C2CD5: variants seen among roughly 807,000 people sequenced by gnomAD.
C2CD5 encodes the protein C2 domain-containing protein 5.
In C2CD5, 109 loss-of-function variants were observed where a neutral mutation model predicts 130.3. That is an observed-to-expected ratio of 0.84 (90% CI 0.72 to 0.98). C2CD5 has a LOEUF of 0.98. Ranked by LOEUF, C2CD5 falls within the 50% of genes least tolerant of loss-of-function variation. C2CD5 has a pLI of 0.00. For missense variants in C2CD5, 996 were observed against 1,261.8 expected (o/e 0.79, Z 3.19); for synonymous variants, 454 against 429.2 (o/e 1.06, Z -0.71).
chr12:22,511,759 T>C (rs998503963), intron 9 of C2CD5, among the ~76,000 whole-genome samples: 2 of 152,196 alleles, frequency 1.3e-5, no homozygotes, highest in Admixed American at 1.3e-4. Flanking sequence ...GTACAGACAA[T>C]AAAGTCACAG....
At chr12:22,529,496 T>C (rs1052239167) in intron 3 of C2CD5, among the ~76,000 whole-genome samples, 2 of 152,100 alleles carry the variant, frequency 1.3e-5, no homozygotes, top group Admixed American at 6.6e-5. Flanking sequence ...AACAACTAAG[T>C]GACTAAAAAT....
rs1952740252 is a variant in C2CD5, at chr12:22,544,325, C to T, written c.-35G>A. On this transcript the variant is annotated 5_prime_UTR_variant, in exon 1 of 27. Transcript: ENST00000446597. The stretch of plus-strand genomic sequence containing the variant: ...CGCCACGGGTCGCCACTCACTGTCG[C>T]AGGAGGAAGGGTGCTGTCCCGCGCG... The T allele has an allele frequency of 3.8e-6, 2 of 532,786 alleles. No individual in the cohort carries two copies. The highest frequency in any genetic ancestry group is 6.5e-6 in the Non-Finnish European group (2 of 308,262). The allele number at this position is 532,786 out of a possible 1,614,324, so 33.0% of individuals were successfully genotyped here. A position where few individuals can be genotyped will look rare whatever the true frequency, so the allele number is the denominator to read the frequency against.
intron 10 of C2CD5, among the ~76,000 whole-genome samples, chr12:22,503,056 G>C (rs1948005027): frequency 6.6e-6 from 1 of 152,002 alleles, no homozygotes; most frequent in Non-Finnish European, 1.5e-5. Flanking sequence ...CCTTGTTGTA[G>C]TCACCCGTTT....
At chr12:22,488,730 T>C (rs943339591) in intron 12 of C2CD5, among the ~76,000 whole-genome samples, 2 of 152,118 alleles carry the variant, frequency 1.3e-5, no homozygotes, top group Non-Finnish European at 2.9e-5. Context: ...CCTTTAAGGC[T>C]CTGGAATTCA....
intron 7 of C2CD5, among the ~76,000 whole-genome samples, chr12:22,518,459 A>G (rs547604477): frequency 6.6e-6 from 1 of 152,388 alleles, no homozygotes; most frequent in African/African-American, 2.4e-5. Flanking sequence ...ACAATGCTGT[A>G]AGTTACAAAA....
rs1317275226 is a variant in C2CD5, at chr12:22,525,655, A to G, written c.400T>C (p.Leu134=). 6.3e-7 allele frequency: 1 copy of G among 1,595,296 alleles called. No homozygotes were observed. The highest frequency in any genetic ancestry group is 8.6e-7 in the Non-Finnish European group (1 of 1,163,258). The change falls in exon 5 of 27, where the codon TTA becomes CTA. Residue 134 remains leucine (L), a synonymous_variant. Transcript: ENST00000446597. ...CATGATGACTGCCTAAATCGATTTA[A>G]ATCATTGAAGAGGTCTACTTTGACA... is the stretch of plus-strand genomic sequence containing the variant. ...VVVKVDLFND[L]NRFRQSSCGV...
Position 22,449,527 on chromosome 12 carries a change from A to T in C2CD5, c.*233T>A. On this transcript the variant is annotated 3_prime_UTR_variant, in exon 27 of 27. Transcript: ENST00000446597. The stretch of plus-strand genomic sequence containing the variant: ...CATCTTTGCTACGGTTCTTTTAAAA[A>T]TTTATCTTAACTTACTGAAGGGTCA... 1 of 350,606 alleles carries T rather than the reference A, an allele frequency of 2.9e-6. No homozygotes were observed. The allele number at this position is 350,606 out of a possible 1,614,324, so 21.7% of individuals were successfully genotyped here. A position where few individuals can be genotyped will look rare whatever the true frequency, so the allele number is the denominator to read the frequency against.
chr12:22,515,766 T>C (rs970670147), intron 8 of C2CD5, among the ~76,000 whole-genome samples: 2 of 151,998 alleles, frequency 1.3e-5, no homozygotes, highest in South Asian at 2.1e-4. Flanking sequence ...ACTCTGATCA[T>C]AGTATTATTT....
At chr12:22,460,751 TG>T (rs1489059134) in intron 22 of C2CD5, 1 of 150,076 alleles carries the variant, frequency 6.7e-6, no homozygotes, top group African/African-American at 2.5e-5. Flanking sequence ...CTAATTTTTT[TG>T]TATTTTTTGT....
intron 9 of C2CD5, among the ~76,000 whole-genome samples, chr12:22,509,492 T>A (rs151049711): frequency 6.6e-6 from 1 of 152,122 alleles, no homozygotes; most frequent in Non-Finnish European, 1.5e-5. Context: ...CCACCTCACA[T>A]GTCCCCAGTT....
At chr12:22,468,455 CG>C (rs1456675902) in intron 22 of C2CD5, among the ~76,000 whole-genome samples, 1 of 152,082 alleles carries the variant, frequency 6.6e-6, no homozygotes, top group Non-Finnish European at 1.5e-5. Flanking sequence ...TGGATTCAAG[CG>C]ATCTTCTCGC....
chr12:22,513,402 T>A (rs1237982324), intron 8 of C2CD5, 23 bp from the exon 9 acceptor site: 1 of 1,513,016 alleles, frequency 6.6e-7, no homozygotes, highest in Non-Finnish European at 9.2e-7. Context: ...AGTACATAAA[T>A]AACAACCAAA....
At chr12:22,488,254 T>C (rs905345996) in intron 12 of C2CD5, among the ~76,000 whole-genome samples, 1 of 151,590 alleles carries the variant, frequency 6.6e-6, no homozygotes, top group African/African-American at 2.4e-5. Context: ...GGCAGCATAG[T>C]GAATTAGCAT....
chr12:22,502,854 AG>A, intron 10 of C2CD5: 1 of 1,067,708 alleles, frequency 9.4e-7, no homozygotes. Context: ...GCAGAATAGT[AG>A]GAATAAAACA....
At chr12:22,518,542 C>T (rs1487594148) in intron 7 of C2CD5, among the ~76,000 whole-genome samples, 1 of 152,032 alleles carries the variant, frequency 6.6e-6, no homozygotes, top group African/African-American at 2.4e-5. Flanking sequence ...CACAGATATC[C>T]TCAAAAGAAA....
chr12:22,475,101 T>G (rs1260053953), intron 15 of C2CD5, among the ~76,000 whole-genome samples: 3 of 152,104 alleles, frequency 2.0e-5, no homozygotes, highest in Non-Finnish European at 4.4e-5. Flanking sequence ...TATATATAAC[T>G]GTCACAGACA....
At chr12:22,514,974 A>T (rs953614313) in intron 8 of C2CD5, 1 of 985,178 alleles carries the variant, frequency 1.0e-6, no homozygotes, top group Non-Finnish European at 1.2e-6. Context: ...GCAGCCAGGA[A>T]CAGCTCTTCA....
chr12:22,449,496 AGG>A lies in C2CD5; in HGVS notation c.*262_*263del, dbSNP rs1938055493. ...TTATTAAAATCAACATAAATTACAA[AGG>A]TTCCATCTTTGCTACGGTTCTTTTA... On this transcript the variant is annotated 3_prime_UTR_variant, in exon 27 of 27. Transcript: ENST00000446597. 2 of 286,222 alleles carry A rather than the reference AGG, an allele frequency of 7.0e-6. No homozygotes were observed. The highest frequency in any genetic ancestry group is 1.3e-5 in the Non-Finnish European group (2 of 153,750). The allele number at this position is 286,222 out of a possible 1,614,324, so 17.7% of individuals were successfully genotyped here. A position where few individuals can be genotyped will look rare whatever the true frequency, so the allele number is the denominator to read the frequency against.
chr12:22,484,434 C>CTT (rs1565701940), intron 13 of C2CD5: 1 of 336,014 alleles, frequency 3.0e-6, no homozygotes, highest in Admixed American at 4.7e-5. Flanking sequence ...CATCCCTAGC[C>CTT]TTTGGCAGGT....
Sources: allele counts gnomAD v4.1 joint callset (sites outside exome capture counted in the v4.1 genomes callset), GRCh38; gene constraint gnomAD v4.1.1; transcripts MANE v1.5; gene names NCBI Gene and HGNC (gene_info 2026-07-23, HGNC 2026-07-21).